Variants in LMO7 observed in about 807,000 individuals in gnomAD.
LMO7 encodes LIM domain 7.
LMO7 carries 120 observed loss-of-function variants against 206.5 expected under a neutral mutation model. The ratio of observed to expected loss-of-function variants is 0.58; its 90% CI spans 0.50 to 0.68. LMO7 has a LOEUF of 0.68. Ranked by LOEUF, LMO7 falls within the 30% of genes least tolerant of loss-of-function variation. The pLI is 0.00. For missense variants in LMO7, 1,959 were observed against 1,957.9 expected (o/e 1.00, Z -0.01); for synonymous variants, 706 against 681.5 (o/e 1.04, Z -0.56).
intron 2 of LMO7, among the ~76,000 whole-genome samples, chr13:75,626,595 A>ATATATATATTTTTTTTTTTTT: frequency 4.2e-5 from 3 of 71,180 alleles, no homozygotes; most frequent in Non-Finnish European, 7.2e-5. Context: ...ATATATATAA[A>ATATATATATTTTTTTTTTTTT]TTTTTTTGAG....
At chr13:75,721,713 A>C (rs1288635792) in intron 2 of LMO7, among the ~76,000 whole-genome samples, 1 of 152,146 alleles carries the variant, frequency 6.6e-6, no homozygotes, top group Non-Finnish European at 1.5e-5. Flanking sequence ...TTATCCACTC[A>C]TTGATTGATG....
chr13:75,657,418 T>C (rs972045642), intron 1 of LMO7, among the ~76,000 whole-genome samples: 2 of 152,206 alleles, frequency 1.3e-5, no homozygotes, highest in Non-Finnish European at 2.9e-5. Flanking sequence ...CATATGTGTG[T>C]GTGTATACAT....
intron 1 of LMO7, among the ~76,000 whole-genome samples, chr13:75,710,133 G>C (rs1213090119): frequency 6.6e-6 from 1 of 152,038 alleles, no homozygotes; most frequent in Admixed American, 6.6e-5. Context: ...ATTTCTGAGG[G>C]CTCTGTTCTG....
At chr13:75,643,814 G>A (rs976165168) in intron 1 of LMO7, among the ~76,000 whole-genome samples, 9 of 152,174 alleles carry the variant, frequency 5.9e-5, no homozygotes, top group Non-Finnish European at 2.9e-5. Flanking sequence ...ACAGTCCCAT[G>A]AACAGCCTTT....
intron 1 of LMO7, among the ~76,000 whole-genome samples, chr13:75,660,543 T>G (rs1378709790): frequency 6.6e-6 from 1 of 152,232 alleles, no homozygotes; most frequent in African/African-American, 2.4e-5. Context: ...ATTGGCTGGC[T>G]GATGGGGTGC....
chr13:75,846,593 T>A (rs1450397974), intron 26 of LMO7, among the ~76,000 whole-genome samples: 1 of 152,182 alleles, frequency 6.6e-6, no homozygotes, highest in African/African-American at 2.4e-5. Flanking sequence ...CTCCTGAACA[T>A]AAACACAAGA....
rs1299891243 is a variant in LMO7 at position 75,823,805 on chromosome 13, G to C, written c.2881G>C (p.Gly961Arg). ...TSKATLSSTSGLDLMSESGEG... is the reference protein window; with the variant it reads ...TSKATLSSTSRLDLMSESGEG... ...TAAAGCCACATTGTCTTCCACATCTGGTCTTGATTTAATGTCTGAATCTGG... is the reference window on the plus strand; with the variant it reads ...TAAAGCCACATTGTCTTCCACATCTCGTCTTGATTTAATGTCTGAATCTGG... Residue 961 changes from glycine to arginine, a missense_variant, in exon 15 of 31, where the codon GGT becomes CGT. By Grantham distance (125) the Gly-to-Arg change is moderately radical (BLOSUM62 -2). Coordinates refer to ENST00000377534, the MANE Select transcript of LMO7 (RefSeq NM_001306080.2). 1.9e-6 allele frequency: 3 copies of C among 1,614,050 alleles called. No individual in the cohort carries two copies. In the Admixed American group the frequency reaches 5.0e-5, roughly 27 times the overall value.
intron 3 of LMO7, among the ~76,000 whole-genome samples, chr13:75,758,351 T>A (rs1337254495): frequency 6.6e-6 from 1 of 152,168 alleles, no homozygotes; most frequent in Non-Finnish European, 1.5e-5. Flanking sequence ...TTTGCCTGCA[T>A]CCTTTGAAAT....
intron 1 of LMO7, among the ~76,000 whole-genome samples, chr13:75,639,907 G>A (rs943335322): frequency 6.6e-6 from 1 of 152,090 alleles, no homozygotes; most frequent in South Asian, 2.1e-4. Context: ...CTGTCACCCT[G>A]TAAGGGATGC....
At chr13:75,689,219 C>G (rs1057167035) in intron 1 of LMO7, 4 of 152,174 alleles carry the variant, frequency 2.6e-5, no homozygotes, top group Non-Finnish European at 4.4e-5. Context: ...TTTCACGTCT[C>G]TAAGAGGATG....
At chr13:75,791,769 A>G (rs2053315582) in intron 4 of LMO7, among the ~76,000 whole-genome samples, 1 of 152,182 alleles carries the variant, frequency 6.6e-6, no homozygotes, top group Non-Finnish European at 1.5e-5. Context: ...CCTTGCCATC[A>G]CATGGCTTAC....
intron 4 of LMO7, among the ~76,000 whole-genome samples, chr13:75,782,406 C>G (rs1448001682): frequency 6.6e-6 from 1 of 152,188 alleles, no homozygotes; most frequent in Non-Finnish European, 1.5e-5. Flanking sequence ...TGGAAAATTG[C>G]TTAATCTCAT....
At chr13:75,833,927 A>T (rs1274883530) in intron 16 of LMO7, among the ~76,000 whole-genome samples, 1 of 152,168 alleles carries the variant, frequency 6.6e-6, no homozygotes, top group African/African-American at 2.4e-5. Flanking sequence ...CATATTTCAA[A>T]TTTAAGAGTA....
chr13:75,658,885 A>G (rs2038308989), intron 1 of LMO7, among the ~76,000 whole-genome samples: 1 of 152,112 alleles, frequency 6.6e-6, no homozygotes, highest in African/African-American at 2.4e-5. Context: ...CACCACACCC[A>G]GCTTTCAGCT....
rs1555348051 is a variant in LMO7 at position 75,848,431 on chromosome 13, T to TCATC, written c.4151-648_4151-647insCATC. 8.8e-3 allele frequency among the ~76,000 whole-genome samples: 1,320 copies of TCATC among 150,636 alleles called. 8 individuals carry two copies. The highest frequency in any genetic ancestry group is 0.024 in the East Asian group (124 of 5,072). On this transcript the variant is annotated intron_variant, in intron 26 of 30. Transcript: ENST00000377534. ...TATGGCTGAGTAGTATTCCATGCGA[T>TCATC]TATCTATCTATCTATCTATCTATCT...
At chr13:75,764,836 G>T (rs2048646606) in intron 4 of LMO7, among the ~76,000 whole-genome samples, 1 of 152,046 alleles carries the variant, frequency 6.6e-6, no homozygotes, top group African/African-American at 2.4e-5. Flanking sequence ...GTCATGCAAA[G>T]AAATTCTTTT....
intron 1 of LMO7, among the ~76,000 whole-genome samples, chr13:75,679,152 A>T (rs1204148388): frequency 6.6e-6 from 1 of 152,206 alleles, no homozygotes. Context: ...AGCACCTTGT[A>T]TATAAGAAAC....
intron 11 of LMO7, among the ~76,000 whole-genome samples, chr13:75,811,327 G>C (rs2056375289): frequency 6.6e-6 from 1 of 151,066 alleles, no homozygotes; most frequent in Non-Finnish European, 1.5e-5. Context: ...TTACAGATGT[G>C]AGCCATCATG....
chr13:75,688,981 C>T (rs557253982), intron 1 of LMO7: 1 of 152,248 alleles, frequency 6.6e-6, no homozygotes, highest in African/African-American at 2.4e-5. Flanking sequence ...GTTTTTAATG[C>T]AATTCTTGAA....
Sources: gnomAD v4.1 joint callset for allele counts (sites outside exome capture counted in the v4.1 genomes callset) on GRCh38, gnomAD v4.1.1 for gene constraint, MANE v1.5 for transcripts, NCBI Gene and HGNC (gene_info 2026-07-23, HGNC 2026-07-21) for gene names.